Variants in RCAN2 observed in about 807,000 individuals in gnomAD.
RCAN2 encodes the protein regulator of calcineurin 2.
Under a neutral mutation model 23.6 loss-of-function variants are expected in RCAN2, and 9 were observed. The ratio of observed to expected loss-of-function variants is 0.38; its 90% confidence interval spans 0.23 to 0.67. The LOEUF (loss-of-function observed/expected upper bound fraction) is 0.67, where lower values mean the gene tolerates loss of function less well. Ranked by LOEUF, RCAN2 falls within the 30% of genes least tolerant of loss-of-function variation. RCAN2 has a pLI of 0.51. For missense variants in RCAN2, 273 were observed against 302.3 expected (o/e 0.90, Z 0.72); for synonymous variants, 109 against 115.7 (o/e 0.94, Z 0.37).
chr6:46,462,788 T>C (rs1582222617), intron 1 of RCAN2, among the ~76,000 whole-genome samples: 2 of 152,216 alleles, frequency 1.3e-5, no homozygotes, highest in Non-Finnish European at 2.9e-5. Flanking sequence ...TTCTGCTGGA[T>C]ATCATTATTG....
chr6:46,440,875 T>C (rs892300969), intron 2 of RCAN2, among the ~76,000 whole-genome samples: 4 of 152,180 alleles, frequency 2.6e-5, no homozygotes, highest in Non-Finnish European at 5.9e-5. Flanking sequence ...CCTAAAACAA[T>C]TGAAGAAATA....
At chr6:46,256,455 C>T (rs1766920406) in intron 2 of RCAN2, among the ~76,000 whole-genome samples, 1 of 151,956 alleles carries the variant, frequency 6.6e-6, no homozygotes, top group African/African-American at 2.4e-5. Flanking sequence ...TGCTGCTTAC[C>T]AAATAACAAA....
intron 2 of RCAN2, among the ~76,000 whole-genome samples, chr6:46,329,552 CAAAT>C (rs1264457869): frequency 6.6e-6 from 1 of 152,074 alleles, no homozygotes; most frequent in Non-Finnish European, 1.5e-5. Context: ...GATAAATACA[CAAAT>C]GAATCTAAAA....
chr6:46,396,237 C>T (rs918455548), intron 2 of RCAN2, among the ~76,000 whole-genome samples: 4 of 152,054 alleles, frequency 2.6e-5, no homozygotes, highest in Non-Finnish European at 2.9e-5. Context: ...AGCTTAAGGT[C>T]CATGAAAGTG....
intron 2 of RCAN2, among the ~76,000 whole-genome samples, chr6:46,446,128 CA>C (rs1401760691): frequency 1.5e-5 from 2 of 132,210 alleles, no homozygotes; most frequent in Non-Finnish European, 1.6e-5. Flanking sequence ...ATCAAATTGT[CA>C]AAAATCAAAG....
chr6:46,347,140 G>A (rs1331398778), intron 2 of RCAN2, among the ~76,000 whole-genome samples: 2 of 152,184 alleles, frequency 1.3e-5, no homozygotes, highest in Non-Finnish European at 2.9e-5. Context: ...CTCCCAAAGT[G>A]CTGGGATTAC....
In RCAN2 at chr6:46,433,561, G is replaced by A. The variant is rs115394178; in HGVS notation, c.225+23191C>T. On this transcript the variant is annotated intron_variant, in intron 2 of 4. Transcript: ENST00000371374. Reference sequence around the variant, plus strand: ...TTGGAAGCAGAAGTCAAAGAGATGGGTAGTGAAATATTAAGATTTACAGTG... The same window carrying A: ...TTGGAAGCAGAAGTCAAAGAGATGGATAGTGAAATATTAAGATTTACAGTG... Among the ~76,000 whole-genome samples the A allele has an allele frequency of 6.4e-3, 973 of 152,252 alleles. 10 individuals are homozygous for A. The highest frequency in any genetic ancestry group is 0.023 in the African/African-American group (943 of 41,540).
intron 2 of RCAN2, among the ~76,000 whole-genome samples, chr6:46,343,588 G>C (rs181926293): frequency 6.6e-6 from 1 of 152,088 alleles, no homozygotes; most frequent in African/African-American, 2.4e-5. Context: ...TGTTAGCCAG[G>C]ATGATCTCGA....
intron 1 of RCAN2, among the ~76,000 whole-genome samples, chr6:46,464,488 C>G (rs919174048): frequency 6.6e-6 from 1 of 152,016 alleles, no homozygotes; most frequent in Admixed American, 6.6e-5. Flanking sequence ...ATAAGACAAG[C>G]CTTTTGCTCA....
At chr6:46,465,904 C>T (rs376975081) in intron 1 of RCAN2, among the ~76,000 whole-genome samples, 59 of 152,282 alleles carry the variant, frequency 3.9e-4, no homozygotes, top group African/African-American at 1.3e-3. Context: ...ATTTTGAAAA[C>T]GTACAGCTGA....
At chr6:46,346,079 A>G (rs1278633696) in intron 2 of RCAN2, among the ~76,000 whole-genome samples, 1 of 152,180 alleles carries the variant, frequency 6.6e-6, no homozygotes, top group South Asian at 2.1e-4. Flanking sequence ...TCTGATCACA[A>G]AGGAATTAAA....
At chr6:46,382,520 G>A (rs1765638420) in intron 2 of RCAN2, among the ~76,000 whole-genome samples, 1 of 152,138 alleles carries the variant, frequency 6.6e-6, no homozygotes, top group East Asian at 1.9e-4. Flanking sequence ...AAATGTAACA[G>A]CACACAGGCA....
intron 2 of RCAN2, among the ~76,000 whole-genome samples, chr6:46,319,796 ATTCTAG>A (rs1405451565): frequency 1.3e-5 from 2 of 152,168 alleles, no homozygotes; most frequent in Non-Finnish European, 2.9e-5. Flanking sequence ...AATGGCCTCA[ATTCTAG>A]TCCATGTTAT....
At chr6:46,396,890 T>C (rs1766105933) in intron 2 of RCAN2, among the ~76,000 whole-genome samples, 1 of 152,102 alleles carries the variant, frequency 6.6e-6, no homozygotes, top group African/African-American at 2.4e-5. Context: ...GGCTGACAGA[T>C]TACCTGAGGT....
chr6:46,473,516 C>T (rs1768627177), intron 1 of RCAN2, among the ~76,000 whole-genome samples: 1 of 152,062 alleles, frequency 6.6e-6, no homozygotes, highest in Non-Finnish European at 1.5e-5. Flanking sequence ...TTGTAATAGA[C>T]TAGAGTCTTT....
intron 2 of RCAN2, among the ~76,000 whole-genome samples, chr6:46,412,736 T>C (rs1266459562): frequency 1.3e-5 from 2 of 152,054 alleles, no homozygotes; most frequent in Non-Finnish European, 1.5e-5. Flanking sequence ...TGTGATTGCT[T>C]TGATGAGAGC....
intron 2 of RCAN2, among the ~76,000 whole-genome samples, chr6:46,385,952 T>C (rs1765733234): frequency 6.8e-6 from 1 of 146,290 alleles, no homozygotes; most frequent in African/African-American, 2.5e-5. Context: ...ATTCAGGACA[T>C]AGGCATGGGC....
At chr6:46,226,151 A>T (rs1765656982) in intron 4 of RCAN2, among the ~76,000 whole-genome samples, 1 of 151,976 alleles carries the variant, frequency 6.6e-6, no homozygotes, top group Non-Finnish European at 1.5e-5. Context: ...CTATATCTCC[A>T]TTTTGGTACC....
chr6:46,370,883 C>A (rs1765303865), intron 2 of RCAN2, among the ~76,000 whole-genome samples: 1 of 152,244 alleles, frequency 6.6e-6, no homozygotes, highest in Admixed American at 6.5e-5. Flanking sequence ...CTAGAAGTCA[C>A]CTTCAGCATC....
Sources: allele counts gnomAD v4.1 joint callset (sites outside exome capture counted in the v4.1 genomes callset), GRCh38; gene constraint gnomAD v4.1.1; transcripts MANE v1.5; gene names NCBI Gene and HGNC (gene_info 2026-07-23, HGNC 2026-07-21).